AP3D1: variants seen among roughly 807,000 people sequenced by gnomAD.
The protein encoded by AP3D1 is AP-3 complex subunit delta-1.
Under a neutral mutation model 147.6 loss-of-function variants are expected in AP3D1, and 51 were observed. That is an observed-to-expected ratio of 0.35 (90% CI 0.28 to 0.44). The LOEUF is 0.44. Among genes scored for constraint, AP3D1 ranks in the 20% least tolerant of loss-of-function variants. The probability of loss-of-function intolerance (pLI) is 1.00; values close to 1 mark genes in which losing one functional copy is unlikely to be tolerated. For missense variants in AP3D1, 1,421 were observed against 1,624.2 expected (o/e 0.87, Z 2.15); for synonymous variants, 760 against 663.0 (o/e 1.15, Z -2.25).
At position 2,160,672 on chromosome 19, in the gene AP3D1, C is replaced by A. The variant is rs375250271; in HGVS notation, c.-103+3684G>T. Among the ~76,000 whole-genome samples the A allele has an allele frequency of 2.6e-5, 4 of 152,282 alleles. No individual in the cohort carries two copies. The South Asian group carries it at 6.2e-4, about 24-fold the overall frequency. ...CAAAGTGTGTCTTAGCCCGGATAAC[C>A]TGTACTCAGTGATCCTGAGGATATA... On this transcript the variant is annotated intron_variant, in intron 1 of 14. Transcript: ENST00000643010.
chr19:2,110,562 C>T lies in AP3D1; in HGVS notation c.3175+145G>A, dbSNP rs1329444282. On this transcript the variant is annotated intron_variant, in intron 27 of 31. Transcript: ENST00000643116. ...TTCTCAGAGAGCTGTGGCGAGACCC[C>T]GACACTCAGGAGGTACTGAGGTGCA... The T allele has an allele frequency of 1.1e-5, 10 of 900,514 alleles. No individual in the cohort carries two copies. The Admixed American group carries it at 1.1e-4, about 10-fold the overall frequency. The allele number at this position is 900,514 out of a possible 1,614,324, so 55.8% of individuals were successfully genotyped here.
At chr19:2,157,697 C>A (rs1217041323) in intron 1 of AP3D1, among the ~76,000 whole-genome samples, 1 of 151,588 alleles carries the variant, frequency 6.6e-6, no homozygotes, top group Non-Finnish European at 1.5e-5. Context: ...CCCCATCCAC[C>A]CATCCACCCA....
In AP3D1 at chr19:2,129,690, G is replaced by C. The variant is rs182359542; in HGVS notation, c.593-233C>G. Among the ~76,000 whole-genome samples the C allele has an allele frequency of 3.7e-4, 56 of 152,346 alleles. No homozygotes were observed. In the Middle Eastern group the frequency reaches 0.014, roughly 37 times the overall value. ...TGAGAAAGCATTGCTCGGCACTGTT[G>C]CCAGGAACAAGTGCGCACAAGCGTC... is the stretch of plus-strand genomic sequence containing the variant. On this transcript the variant is annotated intron_variant, in intron 6 of 31. Coordinates refer to ENST00000643116, the MANE Select transcript of AP3D1 (RefSeq NM_001261826.3).
chr19:2,162,518 G>C (rs1318403076), intron 1 of AP3D1, among the ~76,000 whole-genome samples: 2 of 151,394 alleles, frequency 1.3e-5, no homozygotes, highest in Non-Finnish European at 2.9e-5. Flanking sequence ...AAAATTAACC[G>C]GGCGTGGTGA....
upstream of AP3D1, among the ~76,000 whole-genome samples, chr19:2,152,714 A>G (rs1387932377): frequency 2.0e-5 from 3 of 151,534 alleles, no homozygotes; most frequent in Non-Finnish European, 4.4e-5. Flanking sequence ...CATCTCTACT[A>G]AAAATACAAA....
intron 1 of AP3D1, among the ~76,000 whole-genome samples, chr19:2,140,561 C>T (rs2019193223): frequency 6.6e-6 from 1 of 151,828 alleles, no homozygotes; most frequent in African/African-American, 2.4e-5. Flanking sequence ...CTGCAGCCTC[C>T]ACACCCCAGA....
At chr19:2,109,330 G>A in intron 29 of AP3D1, 123 bp from the exon 30 acceptor site, 1 of 1,339,246 alleles carries the variant, frequency 7.5e-7, no homozygotes, top group South Asian at 1.5e-5. Flanking sequence ...TCTGGGCCGG[G>A]AGGTCTTGGG....
At chr19:2,129,203 C>G (rs770871653) in intron 7 of AP3D1, 40 bp from the exon 8 acceptor site, 1 of 1,607,232 alleles carries the variant, frequency 6.2e-7, no homozygotes, top group Admixed American at 1.7e-5. Flanking sequence ...GCAGGGAATG[C>G]CCCACGCAGG....
At chr19:2,115,640 C>A (rs577592305) in intron 18 of AP3D1, 27 bp from the exon 19 acceptor site, 27 of 1,601,886 alleles carry the variant, frequency 1.7e-5, no homozygotes, top group Non-Finnish European at 2.3e-5. Flanking sequence ...CAGGCGTTAC[C>A]GGTGCACCGA....
chr19:2,103,073 G>A (rs942101294), intron 31 of AP3D1, among the ~76,000 whole-genome samples: 16 of 152,158 alleles, frequency 1.1e-4, no homozygotes, highest in Non-Finnish European at 2.4e-4. Flanking sequence ...GCAGTGAGCC[G>A]TGTTTGCACC....
rs2018478526 is a variant in AP3D1 at position 2,117,139 on chromosome 19, T to C, written c.1859+83A>G. ...CCACACCCTCCTGGCTGTTCAGGGGTGCAGGAGCCCCCGCTGTGCCACCAG... is the reference window on the plus strand; with the variant it reads ...CCACACCCTCCTGGCTGTTCAGGGGCGCAGGAGCCCCCGCTGTGCCACCAG... On this transcript the variant is annotated intron_variant, in intron 16 of 31. Transcript: ENST00000643116. 47 of 1,481,302 alleles carry C rather than the reference T, an allele frequency of 3.2e-5. No homozygotes were observed. The South Asian group carries it at 6.4e-4, about 20-fold the overall frequency. 91.8% of individuals were successfully genotyped at this position (1,481,302 alleles called of 1,614,324 possible). A position where few individuals can be genotyped will look rare whatever the true frequency, so the allele number is the denominator to read the frequency against.
chr19:2,130,372 A>G (rs755116845), intron 6 of AP3D1, 36 bp downstream of exon 6: 2 of 1,612,614 alleles, frequency 1.2e-6, no homozygotes, highest in East Asian at 4.5e-5. Flanking sequence ...CTGAGCCCCC[A>G]CCCTCAACCC....
At chr19:2,111,624 C>A in intron 25 of AP3D1, 55 bp downstream of exon 25, 1 of 1,528,428 alleles carries the variant, frequency 6.5e-7, no homozygotes, top group Admixed American at 2.0e-5. Flanking sequence ...TGGGGAGCAG[C>A]GCACAGCCCG....
chr19:2,146,898 T>C (rs980093727), intron 1 of AP3D1, among the ~76,000 whole-genome samples: 3 of 152,102 alleles, frequency 2.0e-5, no homozygotes, highest in African/African-American at 7.2e-5. Flanking sequence ...GAGGAGCCCC[T>C]GGCACGGAGT....
intron 5 of AP3D1, among the ~76,000 whole-genome samples, chr19:2,131,789 C>T (rs1396334717): frequency 1.0e-4 from 14 of 136,350 alleles, no homozygotes; most frequent in Admixed American, 5.7e-4. Flanking sequence ...CACACGGGGA[C>T]CGCGCCCATC....
chr19:2,102,003 A>G lies in AP3D1; in HGVS notation c.*170T>C, dbSNP rs1405355767. 3.3e-6 allele frequency: 2 copies of G among 607,562 alleles called. No individual in the cohort carries two copies. The highest frequency in any genetic ancestry group is 5.8e-6 in the Non-Finnish European group (2 of 345,600). 37.6% of individuals were successfully genotyped at this position (607,562 alleles called of 1,614,324 possible). On this transcript the variant is annotated 3_prime_UTR_variant, in exon 32 of 32. Coordinates refer to ENST00000643116, the MANE Select transcript of AP3D1 (RefSeq NM_001261826.3). ...AGTCACAGTAAAAAAGGATGGTCAGATAATTCAACGCAACAAATGACCTCG... is the reference window on the plus strand; with the variant it reads ...AGTCACAGTAAAAAAGGATGGTCAGGTAATTCAACGCAACAAATGACCTCG...
Position 2,151,479 on chromosome 19 carries a change from C to T in AP3D1, c.-145G>A. 1 of 311,594 alleles carries T rather than the reference C, an allele frequency of 3.2e-6. No homozygotes were observed. The highest frequency in any genetic ancestry group is 4.7e-6 in the Non-Finnish European group (1 of 211,136). The allele number at this position is 311,594 out of a possible 1,614,324, so 19.3% of individuals were successfully genotyped here. A position where few individuals can be genotyped will look rare whatever the true frequency, so the allele number is the denominator to read the frequency against. The stretch of plus-strand genomic sequence containing the variant: ...TCCCAGGCCAGGGCGGCGGCGGGGT[C>T]CAAGGACCGCGGCAGAGGCGGCGAC... On this transcript the variant is annotated 5_prime_UTR_variant, in exon 1 of 32. Transcript: ENST00000643116.
At chr19:2,129,512 C>T (rs1049886134) in intron 6 of AP3D1, 55 bp from the exon 7 acceptor site, 4 of 1,575,610 alleles carry the variant, frequency 2.5e-6, no homozygotes, top group Non-Finnish European at 3.4e-6. Context: ...AGAAAACCAT[C>T]CTACTGTCTT....
At position 2,137,739 on chromosome 19, in the gene AP3D1, C is replaced by T. The variant is rs1340725365; in HGVS notation, c.261G>A (p.Lys87=). The T allele has an allele frequency of 6.2e-7, 1 of 1,613,878 alleles. No individual in the cohort carries two copies. Among genetic ancestry groups the T allele is most frequent in the African/African-American group, 1.3e-5 (1 of 74,914 alleles). Residue 87 remains lysine, a synonymous_variant, in exon 3 of 32, where the codon AAG becomes AAA. Transcript: ENST00000643116. ...CCCAGAACCTCACCTTGAAGGTGAA[C>T]TTGGAGGCACTCATCACTTCTATGA... is the stretch of plus-strand genomic sequence containing the variant. ...FNIIEVMSAS[K]FTFKRIGYLA...
Sources: gnomAD v4.1 joint callset for allele counts (sites outside exome capture counted in the v4.1 genomes callset) on GRCh38, gnomAD v4.1.1 for gene constraint, MANE v1.5 for transcripts, NCBI Gene and HGNC (gene_info 2026-07-23, HGNC 2026-07-21) for gene names.